Variants in UNC5C observed in about 807,000 individuals in gnomAD.
UNC5C encodes the protein unc-5 netrin receptor C, also known as netrin receptor UNC5C.
In UNC5C, 47 loss-of-function variants were observed where a neutral mutation model predicts 99.8. The observed-to-expected ratio is 0.47, with a 90% CI of 0.37 to 0.60. The LOEUF (loss-of-function observed/expected upper bound fraction) is 0.60. Among genes scored for constraint, UNC5C ranks in the 20% least tolerant of loss-of-function variants. UNC5C has a pLI of 0.00. For synonymous variants in UNC5C, 487 were observed against 452.2 expected (o/e 1.08, Z -0.98); for missense variants, 1,062 against 1,165.9 (o/e 0.91, Z 1.30).
At chr4:95,370,679 T>C (rs1452989965) in intron 1 of UNC5C, among the ~76,000 whole-genome samples, 4 of 152,226 alleles carry the variant, frequency 2.6e-5, no homozygotes, top group Non-Finnish European at 5.9e-5. Flanking sequence ...GTGTTTTTCA[T>C]TCTTCTGAAG....
intron 1 of UNC5C, among the ~76,000 whole-genome samples, chr4:95,542,305 C>T (rs1431851160): frequency 4.6e-5 from 7 of 152,226 alleles, no homozygotes; most frequent in South Asian, 4.1e-4. Context: ...AGTTATTTAA[C>T]TAAAAGAGGG....
At chr4:95,540,218 G>T (rs1722883330) in intron 1 of UNC5C, among the ~76,000 whole-genome samples, 2 of 152,046 alleles carry the variant, frequency 1.3e-5, no homozygotes, top group Non-Finnish European at 2.9e-5. Context: ...AAATTCTTTT[G>T]CTATATTAAT....
chr4:95,515,365 GC>G (rs1722184633), intron 1 of UNC5C, among the ~76,000 whole-genome samples: 1 of 152,160 alleles, frequency 6.6e-6, no homozygotes, highest in African/African-American at 2.4e-5. Context: ...TTAAGGGTTT[GC>G]CCAAATTTAA....
chr4:95,336,108 C>T (rs76162700), intron 1 of UNC5C, among the ~76,000 whole-genome samples: 5,810 of 151,950 alleles, frequency 0.038, 156 homozygotes, highest in Non-Finnish European at 0.056. Flanking sequence ...AGGATATTTA[C>T]GTTCCAATTC....
chr4:95,439,305 T>C (rs1746880626), intron 1 of UNC5C, among the ~76,000 whole-genome samples: 1 of 152,030 alleles, frequency 6.6e-6, no homozygotes, highest in Non-Finnish European at 1.5e-5. Context: ...AAAGAAGGGT[T>C]CAAAGGCTGT....
intron 12 of UNC5C, among the ~76,000 whole-genome samples, chr4:95,199,654 G>T (rs1378056007): frequency 6.6e-6 from 1 of 152,078 alleles, no homozygotes; most frequent in Admixed American, 6.5e-5. Flanking sequence ...GCATGTATTT[G>T]TGTGTGTTTA....
chr4:95,436,918 C>T, intron 1 of UNC5C, among the ~76,000 whole-genome samples: 1 of 148,316 alleles, frequency 6.7e-6, no homozygotes, highest in Non-Finnish European at 1.5e-5. Flanking sequence ...AGGCAGGAGA[C>T]ATTTTTTTGA....
intron 1 of UNC5C, among the ~76,000 whole-genome samples, chr4:95,499,901 A>T (rs1721735280): frequency 6.6e-6 from 1 of 152,096 alleles, no homozygotes; most frequent in East Asian, 1.9e-4. Context: ...GCTGTGTTTC[A>T]GGGAGGTTAA....
At chr4:95,203,057 A>G (rs1411379799) in intron 11 of UNC5C, 93 bp from the exon 12 acceptor site, 2 of 1,094,112 alleles carry the variant, frequency 1.8e-6, no homozygotes, top group Non-Finnish European at 2.7e-6. Flanking sequence ...AGCAGGACCT[A>G]TCCTTTACTT....
intron 1 of UNC5C, among the ~76,000 whole-genome samples, chr4:95,341,922 A>C (rs1743594661): frequency 6.6e-6 from 1 of 152,100 alleles, no homozygotes; most frequent in Non-Finnish European, 1.5e-5. Flanking sequence ...AGAAACCAAA[A>C]TGGGGCAGAA....
chr4:95,275,250 A>C (rs1740818118), intron 4 of UNC5C, among the ~76,000 whole-genome samples: 1 of 152,150 alleles, frequency 6.6e-6, no homozygotes, highest in Non-Finnish European at 1.5e-5. Context: ...TCCCCTCTGC[A>C]TACCCCACAG....
At chr4:95,373,222 T>G (rs895494291) in intron 1 of UNC5C, among the ~76,000 whole-genome samples, 5 of 152,126 alleles carry the variant, frequency 3.3e-5, no homozygotes, top group South Asian at 2.1e-4. Context: ...GCCACAACAC[T>G]ACTTAACTGT....
chr4:95,206,739 T>C lies in UNC5C; in HGVS notation c.1791A>G (p.Pro597=). The stretch of plus-strand genomic sequence containing the variant: ...CGACTGGGCGGGTGAGCAGAGCTCC[T>C]GGGGGCCCACAGCTCACCACAGGGG... The part of the protein sequence containing the change: ...LLTPVVSCGP[P]GALLTRPVVL... Residue 597 remains proline, a synonymous_variant, in exon 11 of 16, where the codon CCA becomes CCG. Transcript: ENST00000453304. 6.2e-7 allele frequency: 1 copy of C among 1,613,702 alleles called. No individual in the cohort carries two copies. Among genetic ancestry groups the C allele is most frequent in the East Asian group, 2.2e-5 (1 of 44,858 alleles).
At chr4:95,419,314 T>TA (rs1746254475) in intron 1 of UNC5C, among the ~76,000 whole-genome samples, 1 of 152,208 alleles carries the variant, frequency 6.6e-6, no homozygotes, top group Non-Finnish European at 1.5e-5. Flanking sequence ...TTAAAATAGA[T>TA]AAAAACCCTT....
At chr4:95,379,018 G>A (rs7441708) in intron 1 of UNC5C, among the ~76,000 whole-genome samples, 69,896 of 151,836 alleles carry the variant, frequency 0.46, 16,789 homozygotes, top group East Asian at 0.77. Context: ...TTTGGAAGTA[G>A]GAACTAAGCC....
At chr4:95,487,470 A>G (rs1439229373) in intron 1 of UNC5C, among the ~76,000 whole-genome samples, 12 of 151,454 alleles carry the variant, frequency 7.9e-5, no homozygotes, top group Non-Finnish European at 1.8e-4. Context: ...TCTATGGTAT[A>G]CTTTTTAATA....
chr4:95,421,707 C>T (rs1279788280), intron 1 of UNC5C, among the ~76,000 whole-genome samples: 1 of 151,796 alleles, frequency 6.6e-6, no homozygotes, highest in African/African-American at 2.4e-5. Context: ...GACAAACACA[C>T]GTTTATGAAT....
At chr4:95,340,164 T>A (rs1254010647) in intron 1 of UNC5C, among the ~76,000 whole-genome samples, 12 of 152,112 alleles carry the variant, frequency 7.9e-5, no homozygotes, top group Admixed American at 7.9e-4. Context: ...TGAACATCAA[T>A]CTAGGGAGCT....
At chr4:95,531,942 G>C (rs1297682267) in intron 1 of UNC5C, among the ~76,000 whole-genome samples, 1 of 152,182 alleles carries the variant, frequency 6.6e-6, no homozygotes, top group Non-Finnish European at 1.5e-5. Flanking sequence ...TATTCCATAA[G>C]ATAGAATTCT....
Sources: gnomAD v4.1 joint callset for allele counts (sites outside exome capture counted in the v4.1 genomes callset) on GRCh38, gnomAD v4.1.1 for gene constraint, MANE v1.5 for transcripts, NCBI Gene and HGNC (gene_info 2026-07-23, HGNC 2026-07-21) for gene names.